Variants in CACNA1D observed in about 807,000 individuals in gnomAD.
CACNA1D encodes voltage-dependent L-type calcium channel subunit alpha-1D.
CACNA1D carries 55 observed loss-of-function variants against 257.1 expected under a neutral mutation model. That is an observed-to-expected ratio of 0.21 (90% CI 0.17 to 0.27). The LOEUF is 0.27. Ranked by LOEUF, CACNA1D falls within the 10% of genes least tolerant of loss-of-function variation. The probability of loss-of-function intolerance (pLI) is 1.00; values close to 1 mark genes in which losing one functional copy is unlikely to be tolerated. For missense variants in CACNA1D, 1,876 were observed against 2,784.0 expected, an observed-to-expected ratio of 0.67 and a Z score of 7.34; for synonymous variants, 980 against 1,014.9, an observed-to-expected ratio of 0.97 and a Z score of 0.65.
intron 20 of CACNA1D, among the ~76,000 whole-genome samples, chr3:53,739,979 G>A (rs1013112776): frequency 1.2e-4 from 18 of 152,224 alleles, no homozygotes; most frequent in Admixed American, 2.0e-4. Flanking sequence ...AGCACTCTCT[G>A]ATGAGAAAAG....
At chr3:53,698,160 A>G (rs2094589196) in intron 8 of CACNA1D, among the ~76,000 whole-genome samples, 1 of 152,256 alleles carries the variant, frequency 6.6e-6, no homozygotes, top group Admixed American at 6.5e-5. Flanking sequence ...AGACTTTAAA[A>G]TAAACATCTT....
intron 8 of CACNA1D, among the ~76,000 whole-genome samples, chr3:53,691,826 CTATAATATATATTACATATATAATA>C (rs1559522720): frequency 5.2e-5 from 3 of 57,184 alleles, no homozygotes; most frequent in Non-Finnish European, 1.0e-4. Context: ...TATATTATAT[CTATAATATATATTACATATATAATA>C]TATAATATAT....
chr3:53,640,992 G>T (rs1332506361), intron 3 of CACNA1D, among the ~76,000 whole-genome samples: 1 of 141,144 alleles, frequency 7.1e-6, no homozygotes, highest in East Asian at 1.9e-4. Context: ...TTCCCTTAAA[G>T]GGTGAAGCAG....
intron 9 of CACNA1D, among the ~76,000 whole-genome samples, chr3:53,708,711 G>A (rs2094717795): frequency 6.6e-6 from 1 of 152,156 alleles, no homozygotes; most frequent in South Asian, 2.1e-4. Flanking sequence ...AATTATGGAA[G>A]TAATATTTGC....
chr3:53,593,727 A>T (rs1183957483), intron 3 of CACNA1D, among the ~76,000 whole-genome samples: 2 of 152,192 alleles, frequency 1.3e-5, no homozygotes, highest in Non-Finnish European at 1.5e-5. Flanking sequence ...AAGGCCACCC[A>T]AGGAGCTGGG....
intron 35 of CACNA1D, 67 bp downstream of exon 35, chr3:53,776,112 A>G (rs193288563): frequency 2.0e-5 from 28 of 1,432,402 alleles, no homozygotes; most frequent in African/African-American, 4.2e-5. Context: ...CGTTCACACA[A>G]ATGGCCTTGC....
At chr3:53,707,045 G>C (rs868117517) in intron 9 of CACNA1D, among the ~76,000 whole-genome samples, 6 of 152,086 alleles carry the variant, frequency 3.9e-5, no homozygotes, top group African/African-American at 1.4e-4. Context: ...TTTCGAGATA[G>C]GGCAGCACAG....
At chr3:53,710,565 C>T (rs938096267) in intron 9 of CACNA1D, 9 of 439,690 alleles carry the variant, frequency 2.0e-5, no homozygotes, top group African/African-American at 4.0e-5. Flanking sequence ...GTGCATGTGC[C>T]GTGTGGTGTG....
At chr3:53,704,738 A>G (rs1236002556) in intron 9 of CACNA1D, among the ~76,000 whole-genome samples, 1 of 152,178 alleles carries the variant, frequency 6.6e-6, no homozygotes, top group Admixed American at 6.5e-5. Flanking sequence ...CCAACATGTT[A>G]TTTGTAAACG....
intron 12 of CACNA1D, among the ~76,000 whole-genome samples, 179 bp downstream of exon 12, chr3:53,722,653 C>T (rs905739078): frequency 3.3e-5 from 5 of 152,210 alleles, no homozygotes; most frequent in East Asian, 1.9e-4. Flanking sequence ...ATCTGTGCCG[C>T]GTGGTGAAGC....
intron 39 of CACNA1D, 54 bp from the exon 40 acceptor site, chr3:53,786,768 G>T (rs1431521775): frequency 7.7e-7 from 1 of 1,302,368 alleles, no homozygotes; most frequent in African/African-American, 1.5e-5. Flanking sequence ...AAGTGTTTAG[G>T]CTCTTGGTCT....
rs775834335 is a variant in CACNA1D at position 53,772,829 on chromosome 3, C to G, written c.4045-4C>G. On this transcript the variant is annotated splice_polypyrimidine_tract_variant and splice_region_variant and intron_variant, in intron 32 of 47. Coordinates refer to ENST00000350061, the MANE Select transcript of CACNA1D (RefSeq NM_001128840.3). ...TGCTGAGCCAAGTGCCTTTTCTCTC[C>G]CAGGCGCTCCCGTATGTGGCCCTCC... 6.2e-7 allele frequency: 1 copy of G among 1,613,748 alleles called. No individual in the cohort carries two copies. Among genetic ancestry groups the G allele is most frequent in the Non-Finnish European group, 8.5e-7 (1 of 1,179,768 alleles).
At chr3:53,676,031 TG>T (rs1243775275) in intron 8 of CACNA1D, among the ~76,000 whole-genome samples, 1 of 152,206 alleles carries the variant, frequency 6.6e-6, no homozygotes, top group African/African-American at 2.4e-5. Context: ...CCTGAGATCC[TG>T]TAGAGTGCCC....
intron 3 of CACNA1D, among the ~76,000 whole-genome samples, chr3:53,618,837 T>G (rs2093664715): frequency 6.6e-6 from 1 of 152,200 alleles, no homozygotes; most frequent in Non-Finnish European, 1.5e-5. Context: ...CAGACTGAGA[T>G]TGAAATTCTG....
intron 21 of CACNA1D, among the ~76,000 whole-genome samples, chr3:53,741,747 C>A (rs940756219): frequency 5.9e-5 from 9 of 152,162 alleles, no homozygotes; most frequent in Admixed American, 4.6e-4. Context: ...TCTGCCTCAG[C>A]TTCTTGGTTT....
At chr3:53,617,659 G>A (rs1289653498) in intron 3 of CACNA1D, among the ~76,000 whole-genome samples, 1 of 152,162 alleles carries the variant, frequency 6.6e-6, no homozygotes, top group African/African-American at 2.4e-5. Context: ...CACTTGTACA[G>A]TAATTGACTA....
At chr3:53,568,557 C>T (rs1028815621) in intron 3 of CACNA1D, among the ~76,000 whole-genome samples, 2 of 152,208 alleles carry the variant, frequency 1.3e-5, no homozygotes, top group African/African-American at 4.8e-5. Flanking sequence ...TGACCATACA[C>T]ACTCCTTGCT....
intron 3 of CACNA1D, among the ~76,000 whole-genome samples, chr3:53,635,728 C>G (rs1247200399): frequency 6.6e-6 from 1 of 152,186 alleles, no homozygotes; most frequent in Non-Finnish European, 1.5e-5. Flanking sequence ...TCCATCCTGC[C>G]TTCTGCTATT....
Position 53,633,180 on chromosome 3 carries a change from G to A in CACNA1D, c.484-17599G>A, listed in dbSNP as rs79418229. Among the ~76,000 whole-genome samples the A allele has an allele frequency of 3.2e-3, 484 of 152,242 alleles. 5 individuals are homozygous for A. The highest frequency in any genetic ancestry group is 8.7e-3 in the Admixed American group (133 of 15,278). On this transcript the variant is annotated intron_variant, in intron 3 of 47. Transcript: ENST00000350061. ...ATTATCTCATGTACTCCTTTTAACC[G>A]TGCTTTCACTGATTAGAAAACCAAG... is the stretch of plus-strand genomic sequence containing the variant.
Sources: allele counts gnomAD v4.1 joint callset (sites outside exome capture counted in the v4.1 genomes callset), GRCh38; gene constraint gnomAD v4.1.1; transcripts MANE v1.5; gene names NCBI Gene and HGNC (gene_info 2026-07-23, HGNC 2026-07-21).